TXNRD1: variants seen among roughly 807,000 people sequenced by gnomAD.
TXNRD1 encodes thioredoxin reductase 1, cytoplasmic.
TXNRD1 carries 57 observed loss-of-function variants against 80.3 expected under a neutral mutation model. The observed-to-expected ratio is 0.71, with a 90% CI of 0.57 to 0.89. TXNRD1 has a LOEUF of 0.89. Ranked by LOEUF, TXNRD1 falls within the 40% of genes least tolerant of loss-of-function variation. TXNRD1 has a pLI of 0.00. For missense variants in TXNRD1, 730 were observed against 803.0 expected (o/e 0.91, Z 1.10); for synonymous variants, 291 against 285.2 (o/e 1.02, Z -0.20).
At chr12:104,251,183 A>C (rs927692101) in intron 1 of TXNRD1, among the ~76,000 whole-genome samples, 3 of 152,186 alleles carry the variant, frequency 2.0e-5, no homozygotes, top group Non-Finnish European at 4.4e-5. Context: ...CATTTAAACC[A>C]TGGTTGGGAA....
chr12:104,255,941 G>A (rs982234607), intron 2 of TXNRD1, among the ~76,000 whole-genome samples: 1 of 152,128 alleles, frequency 6.6e-6, no homozygotes, highest in South Asian at 2.1e-4. Context: ...CAGTTAATTT[G>A]GAAATTAATT....
Position 104,316,934 on chromosome 12 carries a change from A to G in TXNRD1, c.730+1038A>G, listed in dbSNP as rs552041736. On this transcript the variant is annotated intron_variant, in intron 7 of 16. Coordinates refer to ENST00000525566, the MANE Select transcript of TXNRD1 (RefSeq NM_001093771.3). ...TTTTAATTGTTTATTAAATGTAAAG[A>G]TAAGGCATAAATGTATACTTGGAAA... Among the ~76,000 whole-genome samples the G allele has an allele frequency of 3.9e-5, 6 of 152,310 alleles. 1 individual carries two copies. The South Asian group carries it at 1.2e-3, about 32-fold the overall frequency.
chr12:104,319,092 C>CT (rs1366390400), intron 8 of TXNRD1, 37 bp downstream of exon 8: 1 of 1,514,756 alleles, frequency 6.6e-7, no homozygotes. Context: ...TTTTTTTTTT[C>CT]TTTTTTCTCT....
intron 4 of TXNRD1, among the ~76,000 whole-genome samples, chr12:104,298,513 G>T (rs1269848330): frequency 6.6e-6 from 1 of 151,942 alleles, no homozygotes; most frequent in Non-Finnish European, 1.5e-5. Flanking sequence ...ATCACGAGAT[G>T]AGGAGTTTGA....
intron 3 of TXNRD1, chr12:104,280,470 A>G (rs1043820167): frequency 1.3e-5 from 2 of 152,178 alleles, no homozygotes; most frequent in Admixed American, 1.3e-4. Context: ...GTCCTGGGCC[A>G]TCTTTATTTC....
intron 1 of TXNRD1, among the ~76,000 whole-genome samples, chr12:104,234,221 G>T (rs994266791): frequency 6.6e-6 from 1 of 152,182 alleles, no homozygotes; most frequent in Non-Finnish European, 1.5e-5. Flanking sequence ...GATGATACTT[G>T]CATTTTGCCA....
chr12:104,250,081 G>T (rs1281105076), intron 1 of TXNRD1, among the ~76,000 whole-genome samples: 1 of 152,028 alleles, frequency 6.6e-6, no homozygotes, highest in East Asian at 1.9e-4. Flanking sequence ...ATAACATACT[G>T]GTTAAAAGCA....
At chr12:104,232,242 A>G (rs951901543) in intron 1 of TXNRD1, among the ~76,000 whole-genome samples, 4 of 152,174 alleles carry the variant, frequency 2.6e-5, no homozygotes, top group Non-Finnish European at 4.4e-5. Context: ...GTCCCAAGAT[A>G]AACTTGGAGC....
intron 4 of TXNRD1, among the ~76,000 whole-genome samples, chr12:104,307,643 A>T (rs2034972763): frequency 6.6e-6 from 1 of 152,220 alleles, no homozygotes; most frequent in South Asian, 2.1e-4. Flanking sequence ...ATGGTAGGGG[A>T]AATAAAAGTA....
chr12:104,323,591 A>C (rs1424118720), intron 10 of TXNRD1, among the ~76,000 whole-genome samples: 4 of 61,254 alleles, frequency 6.5e-5, no homozygotes, highest in Admixed American at 1.5e-4. Flanking sequence ...TGACACCCCC[A>C]CCTCCCTCCC....
chr12:104,303,445 G>GC (rs1565888235), intron 4 of TXNRD1, among the ~76,000 whole-genome samples: 1 of 152,228 alleles, frequency 6.6e-6, no homozygotes, highest in Non-Finnish European at 1.5e-5. Flanking sequence ...ATGGCAGCGA[G>GC]CGTTTTAAAG....
At chr12:104,280,234 T>A (rs2033848639) in intron 3 of TXNRD1, 1 of 152,238 alleles carries the variant, frequency 6.6e-6, no homozygotes. Context: ...TAATTAGGAT[T>A]TCTTACCTAC....
intron 1 of TXNRD1, among the ~76,000 whole-genome samples, chr12:104,230,173 ATTC>A (rs2032584060): frequency 6.6e-6 from 1 of 151,530 alleles, no homozygotes; most frequent in South Asian, 2.1e-4. Flanking sequence ...GGTTCAAGCA[ATTC>A]TTCTGCTTGA....
chr12:104,274,425 G>C (rs1004666114), intron 3 of TXNRD1, among the ~76,000 whole-genome samples: 20 of 152,144 alleles, frequency 1.3e-4, no homozygotes, highest in African/African-American at 4.6e-4. Flanking sequence ...GCCGGGCACG[G>C]TGGCTCACGC....
At chr12:104,348,296 CCT>C in intron 16 of TXNRD1, 55 bp from the exon 17 acceptor site, 2 of 1,549,664 alleles carry the variant, frequency 1.3e-6, no homozygotes, top group Non-Finnish European at 8.9e-7. Context: ...TGAACTGTTC[CCT>C]GTTACCTCAT....
chr12:104,301,222 G>A (rs969805173), intron 4 of TXNRD1, among the ~76,000 whole-genome samples: 1 of 152,180 alleles, frequency 6.6e-6, no homozygotes, highest in African/African-American at 2.4e-5. Flanking sequence ...AGATGAAAGG[G>A]TCTTTATGTA....
chr12:104,265,422 C>G (rs1593724731), intron 3 of TXNRD1: 1 of 1,603,684 alleles, frequency 6.2e-7, no homozygotes, highest in Non-Finnish European at 8.5e-7. Flanking sequence ...CTAATCATGT[C>G]GTCGCCAAGT....
chr12:104,228,585 T>C (rs925664080), intron 1 of TXNRD1, among the ~76,000 whole-genome samples: 10 of 152,176 alleles, frequency 6.6e-5, no homozygotes, highest in Non-Finnish European at 1.0e-4. Context: ...GAGCCAAGAT[T>C]GCACCATTGC....
At chr12:104,327,002 A>G (rs11111995) in intron 12 of TXNRD1, among the ~76,000 whole-genome samples, 71,628 of 151,418 alleles carry the variant, frequency 0.47, 17,647 homozygotes, top group East Asian at 0.62. Flanking sequence ...ACCTATAATC[A>G]TGCTGGCCAG....
Sources: gnomAD v4.1 joint callset for allele counts (sites outside exome capture counted in the v4.1 genomes callset) on GRCh38, gnomAD v4.1.1 for gene constraint, MANE v1.5 for transcripts, NCBI Gene and HGNC (gene_info 2026-07-23, HGNC 2026-07-21) for gene names.